Variants in NTNG2 observed in about 807,000 individuals in gnomAD.
NTNG2 encodes the protein netrin G2.
In NTNG2, 15 loss-of-function variants were observed where a neutral mutation model predicts 47.6. That is an observed-to-expected ratio of 0.32 (90% CI 0.21 to 0.49). The LOEUF (loss-of-function observed/expected upper bound fraction) is 0.49. Among genes scored for constraint, NTNG2 ranks in the 20% least tolerant of loss-of-function variants. The pLI, the probability that NTNG2 is intolerant of heterozygous loss-of-function variation, is 0.99. For missense variants in NTNG2, 578 were observed against 764.6 expected (o/e 0.76, Z 2.88); for synonymous variants, 307 against 324.6 (o/e 0.95, Z 0.58).
At chr9:132,172,061 T>G (rs1835962649) in intron 2 of NTNG2, among the ~76,000 whole-genome samples, 1 of 152,210 alleles carries the variant, frequency 6.6e-6, no homozygotes, top group Non-Finnish European at 1.5e-5. Context: ...GGGCCTGATA[T>G]GATAGGAGCT....
Position 132,166,714 on chromosome 9 carries a change from C to G in NTNG2, c.-118C>G, listed in dbSNP as rs1425154461. ...TTCAGTGCTCGGGTCCCTGGGACAC[C>G]CCGGCCACCCTCGCCTGGTAGATGT... On this transcript the variant is annotated 5_prime_UTR_variant, in exon 2 of 8. Transcript: ENST00000393229. 8.5e-6 allele frequency: 8 copies of G among 944,364 alleles called. No individual in the cohort carries two copies. The highest frequency in any genetic ancestry group is 1.2e-5 in the Non-Finnish European group (7 of 599,430). 58.5% of individuals were successfully genotyped at this position (944,364 alleles called of 1,614,324 possible).
rs151045491 is a variant in NTNG2, at chr9:132,208,214, G to T, written c.857+9605G>T. Among the ~76,000 whole-genome samples the T allele has an allele frequency of 6.2e-4, 94 of 152,088 alleles. No homozygotes were observed. The highest frequency in any genetic ancestry group is 2.1e-3 in the African/African-American group (87 of 41,474). On this transcript the variant is annotated intron_variant, in intron 3 of 7. Coordinates refer to ENST00000393229, the MANE Select transcript of NTNG2 (RefSeq NM_032536.4). The surrounding 1 kb of genome is among the most constrained non-coding windows in gnomAD (Gnocchi z 4.0). ...GCTTTGAAGGAGAAACCTGAAGGGG[G>T]AACGGGGGCACGGCATTTGTGGCAG...
Position 132,231,838 on chromosome 9 carries a change from C to T in NTNG2, c.1054+1243C>T. 1.3e-5 allele frequency: 2 copies of T among 159,210 alleles called. No homozygotes were observed. The highest frequency in any genetic ancestry group is 6.0e-5 in the Admixed American group (1 of 16,776). 9.9% of individuals were successfully genotyped at this position (159,210 alleles called of 1,614,324 possible). A position where few individuals can be genotyped will look rare whatever the true frequency, so the allele number is the denominator to read the frequency against. On this transcript the variant is annotated intron_variant, in intron 5 of 7. Transcript: ENST00000393229. This position sits in a 1 kb window ranked among gnomAD's most constrained non-coding sequence, Gnocchi z 4.1. ...CCTGTCATCCCACCCTCTCCTGCTT[C>T]TAGCCTGGGTCCCTGCCTCTCTTGG...
chr9:132,230,068 C>T (rs1887625), intron 4 of NTNG2, among the ~76,000 whole-genome samples: 118,896 of 152,232 alleles, frequency 0.78, 46,779 homozygotes, highest in South Asian at 0.91. Context: ...ACGATTTACG[C>T]AGGGGATGCT....
At position 132,167,023 on chromosome 9, in the gene NTNG2, C is replaced by G; in HGVS notation, c.192C>G (p.Pro64=). The G allele has an allele frequency of 6.2e-7, 1 of 1,614,212 alleles. No individual in the cohort carries two copies. The highest frequency in any genetic ancestry group is 2.2e-5 in the East Asian group (1 of 44,882). ...CCTCAGGCATCACATGTGGAGACCCCCCTGAGAGGTTCTGCTCCCATGTAA... is the reference window on the plus strand; with the variant it reads ...CCTCAGGCATCACATGTGGAGACCCGCCTGAGAGGTTCTGCTCCCATGTAA... ...VEPSGITCGD[P]PERFCSHENP... Residue 64 remains proline, a synonymous_variant, in exon 2 of 8, where the codon CCC becomes CCG. Transcript: ENST00000393229.
In NTNG2 at chr9:132,215,609, T is replaced by C. The variant is rs1589494349; in HGVS notation, c.858-11240T>C. On this transcript the variant is annotated intron_variant, in intron 3 of 7. Transcript: ENST00000393229. The surrounding 1 kb of genome is among the most constrained non-coding windows in gnomAD (Gnocchi z 4.2). ...TAAGTAAATAAATAAAGGATAAATA[T>C]CTGGCAATATGTTACTGAATCCTCC... Among the ~76,000 whole-genome samples, 1 of 151,898 alleles carries C rather than the reference T, an allele frequency of 6.6e-6. No homozygotes were observed. Among genetic ancestry groups the C allele is most frequent in the East Asian group, 1.9e-4 (1 of 5,142 alleles).
Position 132,241,973 on chromosome 9 carries a change from C to T in NTNG2, c.1455C>T (p.Arg485=). Residue 485 remains arginine, a synonymous_variant, in exon 8 of 8, where the codon CGC becomes CGT. Coordinates refer to ENST00000393229, the MANE Select transcript of NTNG2 (RefSeq NM_032536.4). ...CACPRGYTGV[R]CEQPRCDPAD... is the part of the protein sequence containing the mutation. ...GCCCGCGCGGCTACACCGGCGTGCGCTGCGAGCAGCCCCGCTGCGACCCCG... is the reference window on the plus strand; with the variant it reads ...GCCCGCGCGGCTACACCGGCGTGCGTTGCGAGCAGCCCCGCTGCGACCCCG... 6.5e-7 allele frequency: 1 copy of T among 1,530,658 alleles called. No homozygotes were observed. The allele number at this position is 1,530,658 out of a possible 1,614,324, so 94.8% of individuals were successfully genotyped here. A position where few individuals can be genotyped will look rare whatever the true frequency, so the allele number is the denominator to read the frequency against.
chr9:132,216,381 C>CCTCTCTCT lies in NTNG2; in HGVS notation c.858-10441_858-10434dup, dbSNP rs1199246893. 4.5e-4 allele frequency among the ~76,000 whole-genome samples: 54 copies of CCTCTCTCT among 120,886 alleles called. 3 individuals carry two copies. The highest frequency in any genetic ancestry group is 1.6e-3 in the African/African-American group (42 of 26,178). 79.3% of individuals were successfully genotyped at this position (120,886 alleles called of 152,430 possible). On this transcript the variant is annotated intron_variant, in intron 3 of 7. Coordinates refer to ENST00000393229, the MANE Select transcript of NTNG2 (RefSeq NM_032536.4). ...GGTAAGAATCTGGCTGCTGACTCAGCCTCTCTCTCTCTCTCTCTCTCTCTC... is the reference window on the plus strand; with the variant it reads ...GGTAAGAATCTGGCTGCTGACTCAGCCTCTCTCTCTCTCTCTCTCTCTCTCTCTCTCTC...
rs552618021 is a variant in NTNG2 at position 132,214,980 on chromosome 9, G to A, written c.858-11869G>A. Among the ~76,000 whole-genome samples the A allele has an allele frequency of 6.6e-5, 10 of 151,634 alleles. No individual in the cohort carries two copies. The South Asian group carries it at 1.5e-3, about 22-fold the overall frequency. On this transcript the variant is annotated intron_variant, in intron 3 of 7. Transcript: ENST00000393229. ...CAGCCTCAACCTCCTGGACTCAAGC[G>A]ATCCTCCTGCCTCAGCCTCCGAAGT...
chr9:132,176,801 C>A (rs1239205235), intron 2 of NTNG2, among the ~76,000 whole-genome samples: 1 of 152,190 alleles, frequency 6.6e-6, no homozygotes, highest in African/African-American at 2.4e-5. Flanking sequence ...CTCTTACGTT[C>A]CCACCAGCAA....
At chr9:132,222,183 T>C (rs1037761636) in intron 3 of NTNG2, among the ~76,000 whole-genome samples, 1 of 151,786 alleles carries the variant, frequency 6.6e-6, no homozygotes, top group Non-Finnish European at 1.5e-5. Flanking sequence ...CTCAGTGGAG[T>C]GAGGTAGGAT....
intron 3 of NTNG2, among the ~76,000 whole-genome samples, chr9:132,213,798 T>C (rs1243249079): frequency 1.3e-5 from 2 of 152,202 alleles, no homozygotes; most frequent in Non-Finnish European, 2.9e-5. Context: ...GTAGTCTAAC[T>C]TTAGCCCCCA....
intron 2 of NTNG2, among the ~76,000 whole-genome samples, chr9:132,170,366 C>T (rs1419730999): frequency 6.6e-6 from 1 of 152,228 alleles, no homozygotes. Flanking sequence ...GATTCTTGGG[C>T]GAGGACAAAA....
intron 3 of NTNG2, among the ~76,000 whole-genome samples, chr9:132,204,594 A>G (rs1839027227): frequency 6.6e-6 from 1 of 152,162 alleles, no homozygotes; most frequent in Admixed American, 6.5e-5. Context: ...TTCTGCCTGC[A>G]CTGACTCCTT....
chr9:132,223,418 G>A (rs1840496280), intron 3 of NTNG2, among the ~76,000 whole-genome samples: 1 of 152,162 alleles, frequency 6.6e-6, no homozygotes. Context: ...GAGATATGAG[G>A]GAGGCCGGAT....
rs529601053 is a variant in NTNG2, at chr9:132,180,247, G to A, written c.213+13203G>A. Among the ~76,000 whole-genome samples, 3 of 152,320 alleles carry A rather than the reference G, an allele frequency of 2.0e-5. No individual in the cohort carries two copies. The South Asian group carries it at 6.2e-4, about 32-fold the overall frequency. On this transcript the variant is annotated intron_variant, in intron 2 of 7. Transcript: ENST00000393229. The surrounding 1 kb of genome is among the most constrained non-coding windows in gnomAD (Gnocchi z 4.2). ...TTGGCCGAAGCAGAAGTCTGCTGTCGGGCAAAAGGTGAAGAAGAGACCAAT... is the reference window on the plus strand; with the variant it reads ...TTGGCCGAAGCAGAAGTCTGCTGTCAGGCAAAAGGTGAAGAAGAGACCAAT...
intron 3 of NTNG2, among the ~76,000 whole-genome samples, chr9:132,213,331 C>CAAAAA (rs61393543): frequency 1.6e-4 from 17 of 104,360 alleles, no homozygotes; most frequent in East Asian, 6.0e-4. Flanking sequence ...GACTCCATCT[C>CAAAAA]AAAAAAAAAA....
intron 2 of NTNG2, among the ~76,000 whole-genome samples, chr9:132,176,850 CTTG>C (rs1333409672): frequency 1.3e-5 from 2 of 152,180 alleles, no homozygotes; most frequent in Non-Finnish European, 2.9e-5. Context: ...CTTGTCAACA[CTTG>C]TTATTTTCTG....
chr9:132,212,931 A>AC (rs111376316), intron 3 of NTNG2, among the ~76,000 whole-genome samples: 64 of 151,432 alleles, frequency 4.2e-4, no homozygotes, highest in African/African-American at 1.5e-3. Context: ...ATCTCTCCCA[A>AC]CCCCCCAAAG....
Sources: allele counts gnomAD v4.1 joint callset (sites outside exome capture counted in the v4.1 genomes callset), GRCh38; gene constraint gnomAD v4.1.1; non-coding constraint Gnocchi (gnomAD v3.1); transcripts MANE v1.5; gene names NCBI Gene and HGNC (gene_info 2026-07-23, HGNC 2026-07-21).